The following MS4A4A variants were observed in gnomAD, a reference collection of about 807,000 sequenced individuals.
The protein encoded by MS4A4A is membrane spanning 4-domains A4A.
In MS4A4A, 26 loss-of-function variants were observed where a neutral mutation model predicts 28.0. The observed-to-expected ratio is 0.93, with a 90% CI of 0.68 to 1.29. The LOEUF (loss-of-function observed/expected upper bound fraction) is 1.29, where lower values mean the gene tolerates loss of function less well. MS4A4A is among the 50% of genes most tolerant of loss of function. MS4A4A has a pLI of 0.00. For missense variants in MS4A4A, 290 were observed against 293.1 expected, an observed-to-expected ratio of 0.99 and a Z score of 0.08; for synonymous variants, 86 against 100.8, an observed-to-expected ratio of 0.85 and a Z score of 0.88.
In MS4A4A at chr11:60,302,760, GT is replaced by G. The variant is rs1338718120; in HGVS notation, c.546+46del. On this transcript the variant is annotated intron_variant, in intron 5 of 6. Transcript: ENST00000337908. The stretch of plus-strand genomic sequence containing the variant: ...TCAGGGGATATTATTATAGAAGCAA[GT>G]TTGGGGAGTGCTGGCTCTGGCAAAG... 4 of 1,572,856 alleles carry G rather than the reference GT, an allele frequency of 2.5e-6. No individual in the cohort carries two copies. In the African/African-American group the frequency reaches 5.4e-5, roughly 21 times the overall value.
chr11:60,285,838 T>C (rs913020703), intron 1 of MS4A4A, among the ~76,000 whole-genome samples: 1 of 152,214 alleles, frequency 6.6e-6, no homozygotes, highest in African/African-American at 2.4e-5. Flanking sequence ...CATGTCCTGC[T>C]GTGCACACAT....
At chr11:60,304,192 T>A (rs865781114) in intron 5 of MS4A4A, among the ~76,000 whole-genome samples, 1 of 152,160 alleles carries the variant, frequency 6.6e-6, no homozygotes. Context: ...GGACCTTACT[T>A]TTAGTTTACG....
chr11:60,304,466 T>G (rs1473479624), intron 5 of MS4A4A, among the ~76,000 whole-genome samples: 1 of 152,246 alleles, frequency 6.6e-6, no homozygotes, highest in East Asian at 1.9e-4. Flanking sequence ...GATGAATTCC[T>G]GTTAATTGTG....
chr11:60,292,393 C>A lies in MS4A4A; in HGVS notation c.201+9C>A. 1.3e-6 allele frequency: 2 copies of A among 1,584,736 alleles called. No individual in the cohort carries two copies. The highest frequency in any genetic ancestry group is 4.6e-5 in the East Asian group (2 of 43,420). ...AACCCAAAGTCCTTGGGGTAAGTTG[C>A]AAATCTAGGGGAAGACCAATGGTGT... On this transcript the variant is annotated intron_variant, in intron 2 of 6. Transcript: ENST00000337908.
intron 6 of MS4A4A, among the ~76,000 whole-genome samples, 200 bp from the exon 7 acceptor site, chr11:60,307,907 G>C: frequency 6.6e-6 from 1 of 152,246 alleles, no homozygotes; most frequent in East Asian, 1.9e-4. Flanking sequence ...CAGCAGCTCA[G>C]GTCAAGAGCT....
chr11:60,307,325 T>C (rs745592365), intron 6 of MS4A4A, among the ~76,000 whole-genome samples: 17 of 152,166 alleles, frequency 1.1e-4, no homozygotes, highest in Non-Finnish European at 2.5e-4. Flanking sequence ...AGAAGAGAGA[T>C]TGACTATAGC....
intron 3 of MS4A4A, among the ~76,000 whole-genome samples, chr11:60,297,786 G>T (rs977656492): frequency 1.3e-5 from 2 of 152,154 alleles, no homozygotes; most frequent in Admixed American, 1.3e-4. Flanking sequence ...TAACGGACTT[G>T]CCATTATTGG....
At chr11:60,306,957 G>A (rs1198533063) in intron 6 of MS4A4A, among the ~76,000 whole-genome samples, 1 of 152,170 alleles carries the variant, frequency 6.6e-6, no homozygotes, top group East Asian at 1.9e-4. Context: ...TGCTGCTCCT[G>A]GCAGCTAAAC....
chr11:60,281,496 A>G (rs1565141273), intron 1 of MS4A4A, among the ~76,000 whole-genome samples: 1 of 152,292 alleles, frequency 6.6e-6, no homozygotes, highest in East Asian at 1.9e-4. Context: ...CTTGGTTCCT[A>G]GCCCGGGCCT....
intron 1 of MS4A4A, among the ~76,000 whole-genome samples, chr11:60,281,455 G>GAAAAAC (rs375751867): frequency 0.013 from 1,921 of 152,174 alleles, 13 homozygotes; most frequent in African/African-American, 0.023. Flanking sequence ...AGGGCTGGGA[G>GAAAAAC]AAAAACAAAA....
At chr11:60,306,840 A>T (rs10431136) in intron 6 of MS4A4A, among the ~76,000 whole-genome samples, 44,579 of 152,174 alleles carry the variant, frequency 0.29, 7,524 homozygotes, top group Admixed American at 0.35. Flanking sequence ...CCATTATCCT[A>T]TTACAACAAC....
chr11:60,293,302 T>G (rs2084874180), intron 2 of MS4A4A, among the ~76,000 whole-genome samples: 1 of 152,178 alleles, frequency 6.6e-6, no homozygotes, highest in Non-Finnish European at 1.5e-5. Flanking sequence ...GTGATCTGCC[T>G]GCTTCAGCCT....
chr11:60,290,096 G>T (rs1324523669), intron 1 of MS4A4A: 4 of 444,320 alleles, frequency 9.0e-6, no homozygotes, highest in Non-Finnish European at 1.8e-5. Flanking sequence ...TCCAATGGAG[G>T]ACTTATTCAG....
At chr11:60,285,262 T>A (rs1319658559) in intron 1 of MS4A4A, among the ~76,000 whole-genome samples, 1 of 152,110 alleles carries the variant, frequency 6.6e-6, no homozygotes, top group Non-Finnish European at 1.5e-5. Flanking sequence ...CCAGCACTAC[T>A]GGATGCTGAG....
chr11:60,280,744 C>G, intron 1 of MS4A4A, 28 bp downstream of exon 1: 1 of 1,612,758 alleles, frequency 6.2e-7, no homozygotes. Flanking sequence ...CCTTCCTAGG[C>G]TTTCGGGCTG....
intron 1 of MS4A4A, 40 bp downstream of exon 1, chr11:60,280,756 T>G: frequency 6.2e-7 from 1 of 1,611,302 alleles, no homozygotes; most frequent in Non-Finnish European, 8.5e-7. Flanking sequence ...TTCGGGCTGA[T>G]GGCTTGTTTC....
At position 60,297,250 on chromosome 11, in the gene MS4A4A, G is replaced by A; in HGVS notation, c.255G>A (p.Met85Ile). The A allele has an allele frequency of 6.2e-7, 1 of 1,613,644 alleles. No individual in the cohort carries two copies. The change falls in exon 3 of 7, where the codon ATG (methionine) becomes ATA (isoleucine). Residue 85 changes from methionine (M) to isoleucine (I), a missense_variant. Met to Ile is a conservative substitution (Grantham distance 10). Transcript: ENST00000337908. ...LMSLSMGITM[M>I]CMASNTYGSN... ...GCCTTAGCATGGGAATAACAATGATGTGTATGGCATCTAATACTTATGGAA... is the reference window on the plus strand; with the variant it reads ...GCCTTAGCATGGGAATAACAATGATATGTATGGCATCTAATACTTATGGAA...
At chr11:60,306,046 T>C (rs2084996751) in intron 5 of MS4A4A, 54 bp from the exon 6 acceptor site, 6 of 1,438,378 alleles carry the variant, frequency 4.2e-6, no homozygotes, top group Non-Finnish European at 5.8e-6. Flanking sequence ...CTGGGAAATG[T>C]TTTCACTTGT....
At chr11:60,291,808 A>AAG (rs2084859058) in intron 1 of MS4A4A, among the ~76,000 whole-genome samples, 1 of 150,952 alleles carries the variant, frequency 6.6e-6, no homozygotes, top group Non-Finnish European at 1.5e-5. Flanking sequence ...AAAAAAAAAA[A>AAG]CAAAAAAACA....
Sources: gnomAD v4.1 joint callset for allele counts (sites outside exome capture counted in the v4.1 genomes callset) on GRCh38, gnomAD v4.1.1 for gene constraint, MANE v1.5 for transcripts, NCBI Gene and HGNC (gene_info 2026-07-23, HGNC 2026-07-21) for gene names.